Variants in SPTBN5 observed in about 807,000 individuals in gnomAD.
The protein encoded by SPTBN5 is spectrin beta chain, non-erythrocytic 5.
Under a neutral mutation model 477.6 loss-of-function variants are expected in SPTBN5, and 513 were observed. That is an observed-to-expected ratio of 1.07 (90% confidence interval 1.00 to 1.16). The LOEUF (loss-of-function observed/expected upper bound fraction) is 1.16, where lower values mean the gene tolerates loss of function less well. SPTBN5 is among the 50% of genes most tolerant of loss of function. The probability of loss-of-function intolerance (pLI) is 0.00; values close to 1 mark genes in which losing one functional copy is unlikely to be tolerated. For missense variants in SPTBN5, 5,062 were observed against 4,731.8 expected (o/e 1.07, Z -2.05); for synonymous variants, 2,169 against 2,011.7 (o/e 1.08, Z -2.09).
rs762691086 is a variant in SPTBN5, at chr15:41,856,571, C to T, written c.8836G>A (p.Glu2946Lys). 28 of 1,594,518 alleles carry T rather than the reference C, an allele frequency of 1.8e-5. No homozygotes were observed. The highest frequency in any genetic ancestry group is 1.7e-4 in the Middle Eastern group (1 of 6,042). Residue 2946 changes from glutamate to lysine, a missense_variant, in exon 53 of 68, where the codon GAG becomes AAG. By Grantham distance (56) the Glu-to-Lys change is moderately conservative (BLOSUM62 1). Coordinates refer to ENST00000320955, the MANE Select transcript of SPTBN5 (RefSeq NM_016642.4). The part of the protein sequence containing the change: ...QNLESEMSSH[E>K]ALTRVVLGTG... The stretch of plus-strand genomic sequence containing the variant: ...CCCAGCACCACCCGGGTCAGAGCCT[C>T]GTGGCTGCTCATCTCACTCTCCAGG...
chr15:41,857,550 C>G, intron 50 of SPTBN5, 23 bp downstream of exon 50: 1 of 1,605,976 alleles, frequency 6.2e-7, no homozygotes, highest in Non-Finnish European at 8.5e-7. Context: ...CGGCCAGCCA[C>G]CCCTCGGCCT....
At chr15:41,890,267 A>G in intron 3 of SPTBN5, 62 bp from the exon 4 acceptor site, 1 of 1,217,084 alleles carries the variant, frequency 8.2e-7, no homozygotes, top group Non-Finnish European at 1.2e-6. Context: ...CTCAGTCACC[A>G]AAAGCTTAGG....
rs1233030419 is a variant in SPTBN5, at chr15:41,866,153, T to G, written c.6707A>C (p.His2236Pro). The stretch of plus-strand genomic sequence containing the variant: ...CATTGCCTGCCTCAGGTCCTCCCAG[T>G]GCTTCCGCAGGCCCTGCAGCCGCTG... ...VSQRLQGLRK[H>P]WEDLRQAMAL... Residue 2236 changes from histidine to proline, a missense_variant, in exon 38 of 68, where the codon CAC (histidine) becomes CCC (proline). By Grantham distance (77) the His-to-Pro change is moderately conservative. Transcript: ENST00000320955. The G allele has an allele frequency of 2.6e-6, 4 of 1,563,820 alleles. No homozygotes were observed. The highest frequency in any genetic ancestry group is 2.3e-5 in the South Asian group (2 of 85,270).
rs1293221400 is a variant in SPTBN5, at chr15:41,850,919, A to T, written c.10856T>A (p.Ile3619Asn). ...FSLRLTSGAE[I>N]LFAAPSEEQA... is the part of the protein sequence containing the mutation. ...CTCTTCGGACGGTGCTGCAAACAGG[A>T]TCTCTGCCCCACTGGTCAGCCTGGC... Residue 3619 changes from isoleucine (I) to asparagine (N), a missense_variant, in exon 66 of 68, where the codon ATC becomes AAC. Physicochemically the swap from Ile to Asn is moderately radical, Grantham distance 149 (BLOSUM62 -3). Transcript: ENST00000320955. The T allele has an allele frequency of 3.1e-6, 5 of 1,600,148 alleles. No homozygotes were observed. Among genetic ancestry groups the T allele is most frequent in the Non-Finnish European group, 4.3e-6 (5 of 1,175,550 alleles).
rs1230401577 is a variant in SPTBN5 at position 41,882,210 on chromosome 15, AC to A, written c.2247+58del. 11 of 1,427,826 alleles carry A rather than the reference AC, an allele frequency of 7.7e-6. No individual in the cohort carries two copies. In the Admixed American group the frequency reaches 1.3e-4, roughly 17 times the overall value. The allele number at this position is 1,427,826 out of a possible 1,614,324, so 88.4% of individuals were successfully genotyped here. A position where few individuals can be genotyped will look rare whatever the true frequency, so the allele number is the denominator to read the frequency against. On this transcript the variant is annotated intron_variant, in intron 11 of 67. Coordinates refer to ENST00000320955, the MANE Select transcript of SPTBN5 (RefSeq NM_016642.4). The stretch of plus-strand genomic sequence containing the variant: ...CGGCTGAGCGCGGGCAGGTGCTGGC[AC>A]CCCCACCCCCGCCTCGCCGGGCCCC...
rs1007852364 is a variant in SPTBN5 at position 41,850,788 on chromosome 15, AG to A, written c.10921+65del. On this transcript the variant is annotated intron_variant, in intron 66 of 67. Coordinates refer to ENST00000320955, the MANE Select transcript of SPTBN5 (RefSeq NM_016642.4). ...ACCTCCCTAGGATGCATAAAACACTAGGGGCCCAGGAGCTTGGGGCCCAGGG... is the reference window on the plus strand; with the variant it reads ...ACCTCCCTAGGATGCATAAAACACTAGGGCCCAGGAGCTTGGGGCCCAGGG... 151 of 1,378,218 alleles carry A rather than the reference AG, an allele frequency of 1.1e-4. No individual in the cohort carries two copies. The African/African-American group carries it at 2.0e-3, about 19-fold the overall frequency. 85.4% of individuals were successfully genotyped at this position (1,378,218 alleles called of 1,614,324 possible).
At position 41,869,927 on chromosome 15, in the gene SPTBN5, G is replaced by A. The variant is rs1344263265; in HGVS notation, c.5767C>T (p.Gln1923Ter). Residue 1923 changes from glutamine (Q) to a stop codon, truncating the protein, a stop_gained, in exon 32 of 68, where the codon CAG (glutamine) becomes TAG (stop). Transcript: ENST00000320955. LOFTEE classifies it high-confidence loss of function. ...AVQQRQQAVT[Q>*]AWAVLQRRME... ...CGTCGCTGCAGCACTGCCCACGCCTGCGTCACAGCTTGCTGCCTCTGCTGC... is the reference window on the plus strand; with the variant it reads ...CGTCGCTGCAGCACTGCCCACGCCTACGTCACAGCTTGCTGCCTCTGCTGC... 3 of 1,553,782 alleles carry A rather than the reference G, an allele frequency of 1.9e-6. No homozygotes were observed. The highest frequency in any genetic ancestry group is 4.8e-5 in the East Asian group (2 of 41,908).
Position 41,874,315 on chromosome 15 carries a change from G to C in SPTBN5, c.4666C>G (p.Gln1556Glu). 1 of 1,613,238 alleles carries C rather than the reference G, an allele frequency of 6.2e-7. No individual in the cohort carries two copies. The highest frequency in any genetic ancestry group is 1.3e-5 in the African/African-American group (1 of 75,038). The change falls in exon 24 of 68, where the codon CAG becomes GAG. Residue 1556 changes from glutamine to glutamate, a missense_variant. By Grantham distance (29) the Gln-to-Glu change is conservative. Transcript: ENST00000320955. ...TSYTECLNGA[Q>E]SLHRKHKELQ... ...ACCTTGTGCTTGCGGTGAAGGCTCTGGGCACCATTCAAGCACTCGGTATAG... is the reference window on the plus strand; with the variant it reads ...ACCTTGTGCTTGCGGTGAAGGCTCTCGGCACCATTCAAGCACTCGGTATAG...
chr15:41,853,138 T>C (rs995937604), intron 59 of SPTBN5, 120 bp downstream of exon 59: 3 of 1,466,574 alleles, frequency 2.0e-6, no homozygotes, highest in Non-Finnish European at 2.7e-6. Flanking sequence ...CCAGCCTCTC[T>C]CCCTGCCTGC....
intron 41 of SPTBN5, 138 bp from the exon 42 acceptor site, chr15:41,863,041 G>A (rs12900976): frequency 1.2e-5 from 9 of 749,866 alleles, no homozygotes; most frequent in Admixed American, 9.4e-5. Context: ...GAGGGCCAGA[G>A]ATCTCTTCCT....
Position 41,873,528 on chromosome 15 carries a change from G to A in SPTBN5, c.4971C>T (p.Asp1657=), listed in dbSNP as rs1216985001. The A allele has an allele frequency of 1.0e-5, 16 of 1,551,752 alleles. No individual in the cohort carries two copies. In the East Asian group the frequency reaches 1.5e-4, roughly 14 times the overall value. Residue 1657 remains aspartate (D), a synonymous_variant, in exon 26 of 68, where the codon GAC becomes GAT. Transcript: ENST00000320955. ...TAATGAGCCTGAGGGTGGCTGCCTC[G>A]TCTCTGCCATAGTCCCGACTGCTCA... ...PLVSSRDYGR[D]EAATLRLINK...
chr15:41,876,703 C>T (rs1190515303), intron 19 of SPTBN5, 56 bp from the exon 20 acceptor site: 32 of 1,587,744 alleles, frequency 2.0e-5, no homozygotes, highest in African/African-American at 9.4e-5. Context: ...CACCCCAGCA[C>T]GAGGTGCACT....
rs987270605 is a variant in SPTBN5, at chr15:41,853,279, G to A, written c.10149C>T (p.Asn3383=). Residue 3383 remains asparagine, a synonymous_variant, in exon 59 of 68, where the codon AAC becomes AAT. Coordinates refer to ENST00000320955, the MANE Select transcript of SPTBN5 (RefSeq NM_016642.4). ...LRQEGQQLVD[N]SHFMSAEVTE... is the part of the protein sequence containing the mutation. The stretch of plus-strand genomic sequence containing the variant: ...ACACCTCCGCAGACATGAAGTGGCT[G>A]TTGTCCACCAGCTGCTGTCCTTCCT... The A allele has an allele frequency of 2.5e-6, 4 of 1,608,590 alleles. No individual in the cohort carries two copies. Among genetic ancestry groups the A allele is most frequent in the East Asian group, 2.2e-5 (1 of 44,740 alleles).
At position 41,853,345 on chromosome 15, in the gene SPTBN5, T is replaced by C. The variant is rs746091024; in HGVS notation, c.10083A>G (p.Gln3361=). ...QLLGQHEELG[Q]EIRECRLQAQ... ...CTTGAAGGCGGCACTCCCTGATTTC[T>C]TGCCCCAGCTCTTCATGCTGCCCAA... Residue 3361 remains glutamine, a synonymous_variant, in exon 59 of 68, where the codon CAA becomes CAG. Coordinates refer to ENST00000320955, the MANE Select transcript of SPTBN5 (RefSeq NM_016642.4). 14 of 1,612,728 alleles carry C rather than the reference T, an allele frequency of 8.7e-6. No homozygotes were observed. Among genetic ancestry groups the C allele is most frequent in the Admixed American group, 1.7e-5 (1 of 60,012 alleles).
Position 41,871,797 on chromosome 15 carries a change from G to A in SPTBN5, c.5286C>T (p.Asp1762=). 1 of 1,589,788 alleles carries A rather than the reference G, an allele frequency of 6.3e-7. No homozygotes were observed. Among genetic ancestry groups the A allele is most frequent in the Non-Finnish European group, 8.6e-7 (1 of 1,168,220 alleles). ...AAKGGESLGE[D]PEHALHLCTK... ...CTCTTCTCACCAGGGCGTGCTCGGG[G>A]TCCTCTCCCAGGCTCTCCCCTCCTT... Residue 1762 remains aspartate, a synonymous_variant, in exon 28 of 68, where the codon GAC becomes GAT. Transcript: ENST00000320955.
intron 35 of SPTBN5, 117 bp downstream of exon 35, chr15:41,867,421 G>T: frequency 9.7e-7 from 1 of 1,028,502 alleles, no homozygotes; most frequent in Non-Finnish European, 1.5e-6. Context: ...CAGGACCCCA[G>T]CCTTGCAGGC....
At position 41,856,776 on chromosome 15, in the gene SPTBN5, G is replaced by A. The variant is rs560997939; in HGVS notation, c.8808+77C>T. Reference sequence around the variant, plus strand: ...CCACAGGCAGAGAGTTCCTGGCTGGGCCACAGAGAGTGCCATTTCCTTGGC... The same window carrying A: ...CCACAGGCAGAGAGTTCCTGGCTGGACCACAGAGAGTGCCATTTCCTTGGC... On this transcript the variant is annotated intron_variant, in intron 52 of 67. Coordinates refer to ENST00000320955, the MANE Select transcript of SPTBN5 (RefSeq NM_016642.4). 135 of 1,439,282 alleles carry A rather than the reference G, an allele frequency of 9.4e-5. 1 individual carries two copies. In the African/African-American group the frequency reaches 1.6e-3, roughly 17 times the overall value. The allele number at this position is 1,439,282 out of a possible 1,614,324, so 89.2% of individuals were successfully genotyped here. A position where few individuals can be genotyped will look rare whatever the true frequency, so the allele number is the denominator to read the frequency against.
In SPTBN5 at chr15:41,865,845, C is replaced by A. The variant is rs766910197; in HGVS notation, c.6881G>T (p.Arg2294Leu). 2 of 1,579,978 alleles carry A rather than the reference C, an allele frequency of 1.3e-6. No individual in the cohort carries two copies. Among genetic ancestry groups the A allele is most frequent in the Non-Finnish European group, 1.7e-6 (2 of 1,163,498 alleles). Reference sequence around the variant, plus strand: ...TCCTCGGAACTCGCGGAGCCGCCGTCGGAGCTGCAGGCAGTGCTCCAGGTC... The same window carrying A: ...TCCTCGGAACTCGCGGAGCCGCCGTAGGAGCTGCAGGCAGTGCTCCAGGTC... The part of the protein sequence containing the change: ...GQDLEHCLQL[R>L]RRLREFRGNS... Residue 2294 changes from arginine to leucine, a missense_variant, in exon 39 of 68, where the codon CGA (arginine) becomes CTA (leucine). Coordinates refer to ENST00000320955, the MANE Select transcript of SPTBN5 (RefSeq NM_016642.4).
In SPTBN5 at chr15:41,848,388, C is replaced by T. The variant is rs966452160; in HGVS notation, c.*228G>A. The T allele has an allele frequency of 2.1e-5, 13 of 617,906 alleles. No homozygotes were observed. Among genetic ancestry groups the T allele is most frequent in the Admixed American group, 1.0e-4 (4 of 39,034 alleles). 38.3% of individuals were successfully genotyped at this position (617,906 alleles called of 1,614,324 possible). A position where few individuals can be genotyped will look rare whatever the true frequency, so the allele number is the denominator to read the frequency against. ...CCTGCTCTGCCGTAACACGTCTCCTCTTCACCCAGACAGGAATGCAGGGGG... is the reference window on the plus strand; with the variant it reads ...CCTGCTCTGCCGTAACACGTCTCCTTTTCACCCAGACAGGAATGCAGGGGG... On this transcript the variant is annotated 3_prime_UTR_variant, in exon 68 of 68. Transcript: ENST00000320955.
Sources: allele counts gnomAD v4.1 joint callset, GRCh38; gene constraint gnomAD v4.1.1; transcripts MANE v1.5; gene names NCBI Gene and HGNC (gene_info 2026-07-23, HGNC 2026-07-21).